Variants in ZDHHC13 observed in about 807,000 individuals in gnomAD.
ZDHHC13 encodes zDHHC palmitoyltransferase 13.
Under a neutral mutation model 86.0 loss-of-function variants are expected in ZDHHC13, and 85 were observed. The ratio of observed to expected loss-of-function variants is 0.99; its 90% CI spans 0.83 to 1.18. The LOEUF (loss-of-function observed/expected upper bound fraction) is 1.18, where lower values mean the gene tolerates loss of function less well. Among genes scored for constraint, ZDHHC13 ranks in the 50% most tolerant of loss-of-function variants. The pLI is 0.00. For missense variants in ZDHHC13, 711 were observed against 730.2 expected (o/e 0.97, Z 0.30); for synonymous variants, 263 against 246.4 (o/e 1.07, Z -0.63).
At chr11:19,122,318 T>A (rs554137604) in intron 1 of ZDHHC13, among the ~76,000 whole-genome samples, 101 of 152,364 alleles carry the variant, frequency 6.6e-4, no homozygotes, top group African/African-American at 2.3e-3. Context: ...AAGGGGGTAC[T>A]GACTTGTCAG....
chr11:19,158,357 G>A (rs186600560), intron 9 of ZDHHC13, among the ~76,000 whole-genome samples: 2 of 152,148 alleles, frequency 1.3e-5, no homozygotes, highest in East Asian at 1.9e-4. Flanking sequence ...ACCTCAAATC[G>A]CCTGTGACCC....
chr11:19,165,454 G>C (rs1850037139), intron 13 of ZDHHC13, among the ~76,000 whole-genome samples: 1 of 152,142 alleles, frequency 6.6e-6, no homozygotes, highest in Non-Finnish European at 1.5e-5. Context: ...CATAAGCCTA[G>C]GTCTCCTGAT....
intron 6 of ZDHHC13, 119 bp from the exon 7 acceptor site, chr11:19,152,039 C>A: frequency 9.1e-7 from 1 of 1,098,780 alleles, no homozygotes; most frequent in Non-Finnish European, 1.3e-6. Flanking sequence ...TTTCTCAGTT[C>A]TGAATACTTA....
At chr11:19,132,777 A>G (rs747219665) in intron 1 of ZDHHC13, among the ~76,000 whole-genome samples, 1 of 150,844 alleles carries the variant, frequency 6.6e-6, no homozygotes, top group East Asian at 1.9e-4. Flanking sequence ...TTTTTTTCTC[A>G]TATCTTGGCA....
intron 1 of ZDHHC13, among the ~76,000 whole-genome samples, chr11:19,135,136 A>T (rs1849100480): frequency 6.6e-6 from 1 of 152,232 alleles, no homozygotes; most frequent in African/African-American, 2.4e-5. Flanking sequence ...AAGACGGGTG[A>T]TTTCTGCATC....
intron 1 of ZDHHC13, among the ~76,000 whole-genome samples, chr11:19,140,755 C>T (rs1247239989): frequency 1.3e-5 from 2 of 152,068 alleles, no homozygotes; most frequent in South Asian, 2.1e-4. Flanking sequence ...GATGAGTTCA[C>T]GTCCTTTGTG....
At chr11:19,156,867 C>G (rs1000385384) in intron 9 of ZDHHC13, among the ~76,000 whole-genome samples, 2 of 152,192 alleles carry the variant, frequency 1.3e-5, no homozygotes, top group Admixed American at 1.3e-4. Flanking sequence ...TAAGTTCTTT[C>G]TTTTCTCCCT....
At chr11:19,125,319 T>C (rs1335373675) in intron 1 of ZDHHC13, among the ~76,000 whole-genome samples, 1 of 152,118 alleles carries the variant, frequency 6.6e-6, no homozygotes, top group East Asian at 1.9e-4. Flanking sequence ...GACAAAAGAC[T>C]TGAACAGACA....
chr11:19,119,555 C>G (rs976814901), intron 1 of ZDHHC13, among the ~76,000 whole-genome samples: 1 of 152,222 alleles, frequency 6.6e-6, no homozygotes, highest in African/African-American at 2.4e-5. Flanking sequence ...AATGTCACCT[C>G]TGTGTGGCAT....
At chr11:19,139,584 C>G (rs1395629582) in intron 1 of ZDHHC13, among the ~76,000 whole-genome samples, 1 of 149,208 alleles carries the variant, frequency 6.7e-6, no homozygotes, top group Non-Finnish European at 1.5e-5. Context: ...CATATGGAAC[C>G]AAAAAAGAGC....
At position 19,146,185 on chromosome 11, in the gene ZDHHC13, G is replaced by A. The variant is rs755487750; in HGVS notation, c.178G>A (p.Gly60Arg). Reference protein sequence around the residue: ...NCDIVKATQYGIFERCKELVE... With the variant: ...NCDIVKATQYRIFERCKELVE... The stretch of plus-strand genomic sequence containing the variant: ...CTTTTTTTTTTCTTCTTTGAGATAC[G>A]GAATTTTTGAACGATGTAAAGAGTT... Residue 60 changes from glycine (G) to arginine (R), a missense_variant, in exon 3 of 17, where the codon GGA becomes AGA. Physicochemically the swap from Gly to Arg is moderately radical, Grantham distance 125. Coordinates refer to ENST00000446113, the MANE Select transcript of ZDHHC13 (RefSeq NM_019028.3). 20 of 1,577,784 alleles carry A rather than the reference G, an allele frequency of 1.3e-5. No individual in the cohort carries two copies. Among genetic ancestry groups the A allele is most frequent in the African/African-American group, 1.4e-5 (1 of 72,810 alleles).
At chr11:19,169,851 G>A (rs1047908251) in intron 14 of ZDHHC13, 2 of 985,612 alleles carry the variant, frequency 2.0e-6, no homozygotes, top group African/African-American at 1.7e-5. Flanking sequence ...TATCTGTCTT[G>A]TGAGTCCCTT....
In ZDHHC13 at chr11:19,117,829, C is replaced by G. The variant is rs1399241659; in HGVS notation, c.27+553C>G. On this transcript the variant is annotated intron_variant, in intron 1 of 16. Coordinates refer to ENST00000446113, the MANE Select transcript of ZDHHC13 (RefSeq NM_019028.3). The surrounding 1 kb of genome is among the most constrained non-coding windows in gnomAD (Gnocchi z 4.2). ...AGGGGCGTGGAGAGGGGAGGTACACCACAGCGATCTGCAGAATCTCAAAGG... is the reference window on the plus strand; with the variant it reads ...AGGGGCGTGGAGAGGGGAGGTACACGACAGCGATCTGCAGAATCTCAAAGG... 1 of 152,482 alleles carries G rather than the reference C, an allele frequency of 6.6e-6. No individual in the cohort carries two copies. The highest frequency in any genetic ancestry group is 1.9e-4 in the East Asian group (1 of 5,202). 9.4% of individuals were successfully genotyped at this position (152,482 alleles called of 1,614,324 possible). A position where few individuals can be genotyped will look rare whatever the true frequency, so the allele number is the denominator to read the frequency against.
At chr11:19,165,630 G>A (rs754287394) in intron 13 of ZDHHC13, among the ~76,000 whole-genome samples, 12 of 152,160 alleles carry the variant, frequency 7.9e-5, no homozygotes, top group Non-Finnish European at 7.3e-5. Context: ...TGCCCTTCCC[G>A]CTTTCTTCCC....
intron 8 of ZDHHC13, among the ~76,000 whole-genome samples, chr11:19,153,871 T>C (rs1276091874): frequency 6.6e-6 from 1 of 151,788 alleles, no homozygotes; most frequent in African/African-American, 2.4e-5. Context: ...TTTTTTTTTT[T>C]GTCATACCAC....
Position 19,117,219 on chromosome 11 carries a change from G to A in ZDHHC13, c.-31G>A. The A allele has an allele frequency of 6.5e-7, 1 of 1,530,598 alleles. No individual in the cohort carries two copies. The allele number at this position is 1,530,598 out of a possible 1,614,324, so 94.8% of individuals were successfully genotyped here. A position where few individuals can be genotyped will look rare whatever the true frequency, so the allele number is the denominator to read the frequency against. On this transcript the variant is annotated 5_prime_UTR_variant, in exon 1 of 17. Transcript: ENST00000446113. The surrounding 1 kb of genome is among the most constrained non-coding windows in gnomAD (Gnocchi z 4.2). Reference sequence around the variant, plus strand: ...GCTGGCGGCAGTCGCTACTTGCCTAGTAGCCTCAGCCGCTGTGGGCTCCTG... The same window carrying A: ...GCTGGCGGCAGTCGCTACTTGCCTAATAGCCTCAGCCGCTGTGGGCTCCTG...
At chr11:19,141,088 A>G (rs928233984) in intron 1 of ZDHHC13, among the ~76,000 whole-genome samples, 12 of 152,024 alleles carry the variant, frequency 7.9e-5, no homozygotes, top group Non-Finnish European at 1.5e-4. Context: ...AAAAAAAGAA[A>G]AAAAAGTACT....
chr11:19,150,628 A>G (rs1218244673), intron 5 of ZDHHC13, 99 bp from the exon 6 acceptor site: 1 of 982,154 alleles, frequency 1.0e-6, no homozygotes, highest in Non-Finnish European at 1.5e-6. Context: ...TGTAGAAATA[A>G]TGGTAGTATT....
At chr11:19,170,384 T>C in intron 14 of ZDHHC13, 27 bp from the exon 15 acceptor site, 3 of 1,443,686 alleles carry the variant, frequency 2.1e-6, no homozygotes, top group Admixed American at 2.7e-5. Context: ...CCTTTTTTTT[T>C]TTTTTTTTTT....
Sources: allele counts gnomAD v4.1 joint callset (sites outside exome capture counted in the v4.1 genomes callset), GRCh38; gene constraint gnomAD v4.1.1; non-coding constraint Gnocchi (gnomAD v3.1); transcripts MANE v1.5; gene names NCBI Gene and HGNC (gene_info 2026-07-23, HGNC 2026-07-21).